RBFOX1: variants seen among roughly 807,000 people sequenced by gnomAD.
RBFOX1 encodes RNA binding fox-1 homolog 1.
In RBFOX1, 8 loss-of-function variants were observed where a neutral mutation model predicts 57.7. The ratio of observed to expected loss-of-function variants is 0.14; its 90% CI spans 0.08 to 0.25. The LOEUF is 0.25. Among genes scored for constraint, RBFOX1 ranks in the 10% least tolerant of loss-of-function variants. The pLI, the probability that RBFOX1 is intolerant of heterozygous loss-of-function variation, is 1.00. For synonymous variants in RBFOX1, 326 were observed against 222.4 expected (o/e 1.47, Z -4.15); for missense variants, 611 against 548.5 (o/e 1.11, Z -1.14).
intron 1 of RBFOX1, among the ~76,000 whole-genome samples, chr16:5,443,304 G>C (rs889562960): frequency 3.9e-5 from 6 of 152,106 alleles, no homozygotes; most frequent in Non-Finnish European, 4.4e-5. Flanking sequence ...GGGCAGGGAT[G>C]TCAACTCCTC....
chr16:5,409,383 A>T (rs1288013079), intron 1 of RBFOX1, among the ~76,000 whole-genome samples: 3 of 152,020 alleles, frequency 2.0e-5, no homozygotes, highest in Non-Finnish European at 4.4e-5. Context: ...AGCCTAAAAG[A>T]CCCTTTCTAA....
At chr16:6,305,033 A>G (rs1489926625) in intron 1 of RBFOX1, among the ~76,000 whole-genome samples, 1 of 152,212 alleles carries the variant, frequency 6.6e-6, no homozygotes, top group Non-Finnish European at 1.5e-5. Context: ...GATGCATGGT[A>G]GAGGAGCTTC....
At chr16:5,255,995 C>T (rs1379106861) in intron 1 of RBFOX1, among the ~76,000 whole-genome samples, 3 of 151,834 alleles carry the variant, frequency 2.0e-5, no homozygotes, top group African/African-American at 2.4e-5. Context: ...AGTGCATCAT[C>T]GACACTCAAT....
At chr16:6,376,520 C>T (rs933663376) in intron 2 of RBFOX1, among the ~76,000 whole-genome samples, 2 of 152,178 alleles carry the variant, frequency 1.3e-5, no homozygotes, top group African/African-American at 4.8e-5. Context: ...CTGCGGCTTG[C>T]AGCTGCGTTT....
chr16:7,697,384 C>T (rs1350883936), intron 14 of RBFOX1, among the ~76,000 whole-genome samples: 1 of 152,166 alleles, frequency 6.6e-6, no homozygotes, highest in African/African-American at 2.4e-5. Context: ...AGGCTTTAAT[C>T]CCTGAGGAAA....
intron 1 of RBFOX1, among the ~76,000 whole-genome samples, chr16:5,259,189 CTT>C (rs79187730): frequency 4.8e-5 from 7 of 145,680 alleles, no homozygotes; most frequent in East Asian, 2.0e-4. Flanking sequence ...CTTTTAGTGC[CTT>C]TTTTTTTTTA....
intron 1 of RBFOX1, among the ~76,000 whole-genome samples, chr16:5,426,827 C>T (rs2067575085): frequency 6.6e-6 from 1 of 152,178 alleles, no homozygotes; most frequent in Non-Finnish European, 1.5e-5. Context: ...AAACAGACAT[C>T]TGGAGATCAG....
intron 3 of RBFOX1, among the ~76,000 whole-genome samples, chr16:6,762,990 C>T (rs938752152): frequency 6.6e-6 from 1 of 151,794 alleles, no homozygotes; most frequent in South Asian, 2.1e-4. Context: ...AAGAAATTTG[C>T]CCAGTGCAAA....
intron 14 of RBFOX1, among the ~76,000 whole-genome samples, chr16:7,698,513 C>A (rs183316777): frequency 6.2e-4 from 94 of 152,124 alleles, no homozygotes; most frequent in Non-Finnish European, 4.4e-5. Context: ...TTTCATTTTT[C>A]TATCCCCACT....
intron 4 of RBFOX1, among the ~76,000 whole-genome samples, chr16:7,142,530 G>A (rs1208629203): frequency 1.3e-5 from 2 of 152,150 alleles, no homozygotes; most frequent in African/African-American, 2.4e-5. Flanking sequence ...TCCCTATACT[G>A]TTCTCCGCAT....
At chr16:6,517,567 G>T (rs559911212) in intron 2 of RBFOX1, among the ~76,000 whole-genome samples, 4 of 152,192 alleles carry the variant, frequency 2.6e-5, no homozygotes, top group African/African-American at 7.2e-5. Flanking sequence ...TATATTCAAG[G>T]AGAATTTAGA....
intron 4 of RBFOX1, among the ~76,000 whole-genome samples, chr16:7,273,452 C>T (rs192695336): frequency 1.1e-4 from 17 of 152,108 alleles, no homozygotes; most frequent in Admixed American, 2.6e-4. Context: ...ATTTTAGATT[C>T]TCTCTGCTGC....
chr16:5,697,554 G>A (rs905249347), intron 3 of RBFOX1, among the ~76,000 whole-genome samples: 11 of 115,458 alleles, frequency 9.5e-5, no homozygotes, highest in Non-Finnish European at 1.8e-4. Context: ...TTTTTTTTGA[G>A]ATAGAGTCTC....
At chr16:5,472,395 G>T (rs1215943279) in intron 2 of RBFOX1, among the ~76,000 whole-genome samples, 1 of 152,144 alleles carries the variant, frequency 6.6e-6, no homozygotes, top group East Asian at 1.9e-4. Context: ...AAACCCATTT[G>T]CAGCAGGGGG....
At chr16:5,435,708 T>A (rs1162621940) in intron 1 of RBFOX1, among the ~76,000 whole-genome samples, 2 of 152,222 alleles carry the variant, frequency 1.3e-5, no homozygotes, top group African/African-American at 4.8e-5. Flanking sequence ...CAAGCTGCCA[T>A]ATTGAAGTGT....
chr16:7,408,839 G>A (rs796679091), intron 4 of RBFOX1, among the ~76,000 whole-genome samples: 3 of 151,974 alleles, frequency 2.0e-5, no homozygotes, highest in African/African-American at 7.3e-5. Context: ...TTGTCCCTAA[G>A]GCATGGGGGC....
At chr16:6,682,476 A>C (rs1429030250) in intron 3 of RBFOX1, among the ~76,000 whole-genome samples, 1 of 152,190 alleles carries the variant, frequency 6.6e-6, no homozygotes, top group Non-Finnish European at 1.5e-5. Context: ...AATGACATTG[A>C]ATGTGCTTAA....
At chr16:5,302,632 A>G (rs1421701069) in intron 1 of RBFOX1, among the ~76,000 whole-genome samples, 1 of 152,086 alleles carries the variant, frequency 6.6e-6, no homozygotes, top group African/African-American at 2.4e-5. Flanking sequence ...TTTTAGGGTC[A>G]TTTTGTGTTG....
At chr16:6,601,226 C>T (rs1326695530) in intron 2 of RBFOX1, among the ~76,000 whole-genome samples, 3 of 151,880 alleles carry the variant, frequency 2.0e-5, no homozygotes, top group Non-Finnish European at 4.4e-5. Context: ...GTCTTTTTTG[C>T]TGAATGACGA....
Sources: allele counts gnomAD v4.1 joint callset (sites outside exome capture counted in the v4.1 genomes callset), GRCh38; gene constraint gnomAD v4.1.1; transcripts MANE v1.5; gene names NCBI Gene and HGNC (gene_info 2026-07-23, HGNC 2026-07-21).